Variants in SDR42E1 observed in about 807,000 individuals in gnomAD.
SDR42E1 encodes the protein short-chain dehydrogenase/reductase family 42E member 1.
SDR42E1 carries 5 observed loss-of-function variants against 2.6 expected under a neutral mutation model. That is an observed-to-expected ratio of 1.94 (90% CI 1.01 to 4.08). The LOEUF (loss-of-function observed/expected upper bound fraction) is 4.08, where lower values mean the gene tolerates loss of function less well. SDR42E1 is among the 30% of genes most tolerant of loss of function. The pLI, the probability that SDR42E1 is intolerant of heterozygous loss-of-function variation, is 0.00. For synonymous variants in SDR42E1, 231 were observed against 188.3 expected (o/e 1.23, Z -1.86); for missense variants, 596 against 478.6 (o/e 1.25, Z -2.29).
intron 1 of SDR42E1, among the ~76,000 whole-genome samples, chr16:82,009,180 T>C (rs967342419): frequency 6.6e-6 from 1 of 152,114 alleles, no homozygotes; most frequent in Non-Finnish European, 1.5e-5. Flanking sequence ...GGGGCCCTCA[T>C]GGAGAACCAC....
At position 81,989,916 on chromosome 16, in the gene SDR42E1, C is replaced by G. The variant is rs968703946; in HGVS notation, c.*9195G>C. ...GGGAGGCTGAGGCAGGAGAATTACTCGAACCTGGGAGGCGGAGGTTGCAGT... is the reference window on the plus strand; with the variant it reads ...GGGAGGCTGAGGCAGGAGAATTACTGGAACCTGGGAGGCGGAGGTTGCAGT... On this transcript the variant is annotated 3_prime_UTR_variant, in exon 3 of 3. Coordinates refer to ENST00000328945, the MANE Select transcript of SDR42E1 (RefSeq NM_145168.3). 17 of 152,138 alleles carry G rather than the reference C, an allele frequency of 1.1e-4. No homozygotes were observed. The highest frequency in any genetic ancestry group is 4.1e-4 in the African/African-American group (17 of 41,302). 9.4% of individuals were successfully genotyped at this position (152,138 alleles called of 1,614,324 possible).
chr16:82,006,371 A>C (rs564771337), intron 1 of SDR42E1, among the ~76,000 whole-genome samples: 1 of 152,382 alleles, frequency 6.6e-6, no homozygotes, highest in South Asian at 2.1e-4. Context: ...TGCTGTTCAA[A>C]TTCCATGCAT....
rs555254926 is a variant in SDR42E1, at chr16:82,004,759, C to T, written c.-26-3875G>A. On this transcript the variant is annotated intron_variant, in intron 1 of 2. Transcript: ENST00000328945. Reference sequence around the variant, plus strand: ...TTGGTACTTGTGAAAGAGAAGGCTTCCCCTGGAGGAGGAAATGGGCCAGGG... The same window carrying T: ...TTGGTACTTGTGAAAGAGAAGGCTTTCCCTGGAGGAGGAAATGGGCCAGGG... 3.2e-3 allele frequency among the ~76,000 whole-genome samples: 484 copies of T among 152,282 alleles called. 5 individuals carry two copies. The highest frequency in any genetic ancestry group is 0.011 in the African/African-American group (452 of 41,562).
chr16:82,000,439 C>T, intron 2 of SDR42E1: 2 of 695,834 alleles, frequency 2.9e-6, no homozygotes, highest in Non-Finnish European at 5.1e-6. Flanking sequence ...AAGAGAGAGG[C>T]CTTATCTTCA....
At chr16:82,008,521 G>C (rs1381376222) in intron 1 of SDR42E1, among the ~76,000 whole-genome samples, 1 of 152,212 alleles carries the variant, frequency 6.6e-6, no homozygotes, top group African/African-American at 2.4e-5. Flanking sequence ...TGAGGAACTT[G>C]TTGGGAACTG....
chr16:82,001,357 C>T (rs1214186936), intron 1 of SDR42E1, among the ~76,000 whole-genome samples: 1 of 152,038 alleles, frequency 6.6e-6, no homozygotes, highest in African/African-American at 2.4e-5. Flanking sequence ...TTTAATACTG[C>T]TTTATTAACC....
At chr16:82,005,156 C>T (rs767230007) in intron 1 of SDR42E1, among the ~76,000 whole-genome samples, 26 of 152,126 alleles carry the variant, frequency 1.7e-4, no homozygotes, top group Non-Finnish European at 2.9e-4. Flanking sequence ...ACATTCCAGT[C>T]CAGTCACAAG....
intron 1 of SDR42E1, among the ~76,000 whole-genome samples, chr16:82,004,949 AGTAAGTTTTGGAAAT>A (rs1338488495): frequency 6.6e-6 from 1 of 152,226 alleles, no homozygotes; most frequent in East Asian, 1.9e-4. Context: ...TAATTGAAAC[AGTAAGTTTTGGAAAT>A]GTTCTTGTCT....
Position 82,001,985 on chromosome 16 carries a change from C to G in SDR42E1, c.-26-1101G>C, listed in dbSNP as rs957216259. Among the ~76,000 whole-genome samples the G allele has an allele frequency of 6.0e-5, 9 of 150,956 alleles. No individual in the cohort carries two copies. The East Asian group carries it at 1.7e-3, about 29-fold the overall frequency. On this transcript the variant is annotated intron_variant, in intron 1 of 2. Transcript: ENST00000328945. Reference sequence around the variant, plus strand: ...ATACACACACACACACACACACACACACACACATATACCTGTGCTCAAGTC... The same window carrying G: ...ATACACACACACACACACACACACAGACACACATATACCTGTGCTCAAGTC...
intron 1 of SDR42E1, among the ~76,000 whole-genome samples, chr16:82,009,958 A>G (rs372460899): frequency 3.6e-4 from 55 of 152,308 alleles, no homozygotes; most frequent in African/African-American, 1.2e-3. Context: ...TTGATAGTGA[A>G]TAAGTCTCAA....
intron 1 of SDR42E1, among the ~76,000 whole-genome samples, chr16:82,006,620 C>G (rs796457461): frequency 3.9e-5 from 6 of 152,252 alleles, no homozygotes; most frequent in African/African-American, 1.4e-4. Flanking sequence ...TGGTGAAACC[C>G]TGTCTCTACT....
In SDR42E1 at chr16:81,992,551, A is replaced by C. The variant is rs1475623388; in HGVS notation, c.*6560T>G. The C allele has an allele frequency of 6.6e-6, 1 of 152,168 alleles. No individual in the cohort carries two copies. Among genetic ancestry groups the C allele is most frequent in the East Asian group, 1.9e-4 (1 of 5,194 alleles). 9.4% of individuals were successfully genotyped at this position (152,168 alleles called of 1,614,324 possible). A position where few individuals can be genotyped will look rare whatever the true frequency, so the allele number is the denominator to read the frequency against. On this transcript the variant is annotated 3_prime_UTR_variant, in exon 3 of 3. Transcript: ENST00000328945. ...GACAGTATTTTACTCTTGGATCTGA[A>C]ATATGGCTCCACTGGGAGGCTAGAG...
chr16:82,000,024 A>G lies in SDR42E1; in HGVS notation c.269T>C (p.Leu90Pro). Residue 90 changes from leucine (L) to proline (P), a missense_variant, in exon 3 of 3, where the codon CTC becomes CCC. Transcript: ENST00000328945. ...ASYGMSGREQLNRNLIKEVNV... is the reference protein window; with the variant it reads ...ASYGMSGREQPNRNLIKEVNV... ...GACTTCTTTGATCAGGTTTCGATTG[A>G]GTTGCTCCCGCCCTGACATACCATA... The G allele has an allele frequency of 6.2e-7, 1 of 1,614,144 alleles. No homozygotes were observed. Among genetic ancestry groups the G allele is most frequent in the East Asian group, 2.2e-5 (1 of 44,878 alleles).
intron 1 of SDR42E1, among the ~76,000 whole-genome samples, chr16:82,004,537 G>T (rs965704621): frequency 6.6e-6 from 1 of 152,206 alleles, no homozygotes; most frequent in African/African-American, 2.4e-5. Context: ...GTCTCACTCT[G>T]TTGCCCAGGC....
chr16:81,997,743 C>G lies in SDR42E1; in HGVS notation c.*1368G>C, dbSNP rs1912578029. 6.6e-6 allele frequency: 1 copy of G among 152,176 alleles called. No homozygotes were observed. Among genetic ancestry groups the G allele is most frequent in the South Asian group, 2.1e-4 (1 of 4,824 alleles). 9.4% of individuals were successfully genotyped at this position (152,176 alleles called of 1,614,324 possible). A position where few individuals can be genotyped will look rare whatever the true frequency, so the allele number is the denominator to read the frequency against. On this transcript the variant is annotated 3_prime_UTR_variant, in exon 3 of 3. Transcript: ENST00000328945. ...GGGGTGGGTGGGTTTATACAAAGGG[C>G]AAATGCAGTCAGTCCCAGCTCCCAA... is the stretch of plus-strand genomic sequence containing the variant.
intron 1 of SDR42E1, chr16:82,007,786 G>C (rs761929387): frequency 2.0e-5 from 3 of 152,164 alleles, no homozygotes; most frequent in Non-Finnish European, 4.4e-5. Context: ...CTCCCAGTTT[G>C]GAAATCTGGG....
At chr16:82,000,246 G>A (rs532678380) in intron 2 of SDR42E1, 22 bp from the exon 3 acceptor site, 38 of 1,600,512 alleles carry the variant, frequency 2.4e-5, no homozygotes, top group East Asian at 4.5e-5. Context: ...AACAGTAAAC[G>A]TTGAATCAAG....
chr16:81,989,302 G>A lies in SDR42E1; in HGVS notation c.*9809C>T, dbSNP rs1203177175. On this transcript the variant is annotated 3_prime_UTR_variant, in exon 3 of 3. Transcript: ENST00000328945. ...AGTAGCAGAAGGAACTGTGAGGTGG[G>A]AGACAGTAGTATGGGGAAAGACATG... The A allele has an allele frequency of 6.6e-6, 1 of 152,196 alleles. No individual in the cohort carries two copies. Among genetic ancestry groups the A allele is most frequent in the Non-Finnish European group, 1.5e-5 (1 of 68,048 alleles). The allele number at this position is 152,196 out of a possible 1,614,324, so 9.4% of individuals were successfully genotyped here.
In SDR42E1 at chr16:81,994,036, C is replaced by G. The variant is rs568658689; in HGVS notation, c.*5075G>C. On this transcript the variant is annotated 3_prime_UTR_variant, in exon 3 of 3. Coordinates refer to ENST00000328945, the MANE Select transcript of SDR42E1 (RefSeq NM_145168.3). Reference sequence around the variant, plus strand: ...GCCTTTGGAAACCACGGGGTAGGATCACCTGTACCCAGGAGTGGACTGTGG... The same window carrying G: ...GCCTTTGGAAACCACGGGGTAGGATGACCTGTACCCAGGAGTGGACTGTGG... 2.0e-5 allele frequency: 3 copies of G among 152,286 alleles called. No individual in the cohort carries two copies. In the East Asian group the frequency reaches 5.8e-4, roughly 29 times the overall value. 9.4% of individuals were successfully genotyped at this position (152,286 alleles called of 1,614,324 possible).
Sources: gnomAD v4.1 joint callset for allele counts (sites outside exome capture counted in the v4.1 genomes callset) on GRCh38, gnomAD v4.1.1 for gene constraint, MANE v1.5 for transcripts, NCBI Gene and HGNC (gene_info 2026-07-23, HGNC 2026-07-21) for gene names.